Variants in ZMIZ1 observed in about 807,000 individuals in gnomAD.
The protein encoded by ZMIZ1 is zinc finger MIZ domain-containing protein 1.
ZMIZ1 carries 17 observed loss-of-function variants against 113.9 expected under a neutral mutation model. The observed-to-expected ratio is 0.15, with a 90% CI of 0.10 to 0.22. The LOEUF is 0.22. Ranked by LOEUF, ZMIZ1 falls within the 10% of genes least tolerant of loss-of-function variation. ZMIZ1 has a pLI of 1.00. For synonymous variants in ZMIZ1, 607 were observed against 603.1 expected, an observed-to-expected ratio of 1.01 and a Z score of -0.09; for missense variants, 1,059 against 1,477.8, an observed-to-expected ratio of 0.72 and a Z score of 4.65.
At chr10:79,259,370 C>T (rs1035038831) in intron 7 of ZMIZ1, among the ~76,000 whole-genome samples, 7 of 151,998 alleles carry the variant, frequency 4.6e-5, no homozygotes, top group East Asian at 1.9e-4. Flanking sequence ...CTTCCTGGGT[C>T]GCTGCACAGT....
intron 7 of ZMIZ1, among the ~76,000 whole-genome samples, chr10:79,265,463 C>CTTTTTTTTTTTT (rs869066608): frequency 2.3e-5 from 3 of 131,730 alleles, no homozygotes; most frequent in African/African-American, 6.3e-5. Context: ...CCTTTTTTTT[C>CTTTTTTTTTTTT]TTTTCTTTTT....
At chr10:79,158,921 C>T (rs142507277) in intron 3 of ZMIZ1, among the ~76,000 whole-genome samples, 5 of 152,352 alleles carry the variant, frequency 3.3e-5, no homozygotes, top group East Asian at 1.9e-4. Context: ...TCCCCTCCCC[C>T]GGGAGCTTCA....
chr10:79,266,882 A>G (rs576092140), intron 7 of ZMIZ1, among the ~76,000 whole-genome samples: 13 of 152,342 alleles, frequency 8.5e-5, no homozygotes, highest in Admixed American at 3.9e-4. Flanking sequence ...CTCAGGGCTC[A>G]TGAGTCAGAC....
At position 79,302,146 on chromosome 10, in the gene ZMIZ1, G is replaced by A. The variant is rs12767060; in HGVS notation, c.2059G>A (p.Val687Ile). 27 of 1,613,842 alleles carry A rather than the reference G, an allele frequency of 1.7e-5. No homozygotes were observed. The African/African-American group carries it at 2.0e-4, about 12-fold the overall frequency. Residue 687 changes from valine (V) to isoleucine (I), a missense_variant, in exon 18 of 25, where the codon GTC becomes ATC. This residue lies in a region of ZMIZ1 where 217 missense variants were observed against 426.9 expected (regional missense o/e 0.51). Transcript: ENST00000334512. ...GCTGCAGCTGGTACACCGGCCCTCC[G>A]TCCGCTCTGTGCTGCAAGGACTCCT... The part of the protein sequence containing the change: ...FVLQLVHRPS[V>I]RSVLQGLLKK...
At chr10:79,159,475 G>A (rs58124651) in intron 3 of ZMIZ1, among the ~76,000 whole-genome samples, 6,954 of 152,288 alleles carry the variant, frequency 0.046, 471 homozygotes, top group African/African-American at 0.15. Flanking sequence ...CAGGCTCTCC[G>A]GCTGGTTGCC....
rs185194238 is a variant in ZMIZ1 at position 79,187,843 on chromosome 10, G to A, written c.-49-13741G>A. 3.7e-4 allele frequency among the ~76,000 whole-genome samples: 57 copies of A among 152,300 alleles called. No individual in the cohort carries two copies. In the South Asian group the frequency reaches 3.9e-3, roughly 11 times the overall value. ...GCCTCCCTCTGGGCAGCCGGAACCCGCGCAGTCTGCCACTCAGCTTCCCTG... is the reference window on the plus strand; with the variant it reads ...GCCTCCCTCTGGGCAGCCGGAACCCACGCAGTCTGCCACTCAGCTTCCCTG... On this transcript the variant is annotated intron_variant, in intron 4 of 24. Coordinates refer to ENST00000334512, the MANE Select transcript of ZMIZ1 (RefSeq NM_020338.4).
intron 3 of ZMIZ1, among the ~76,000 whole-genome samples, chr10:79,155,888 TG>T (rs1488433855): frequency 6.6e-6 from 1 of 152,252 alleles, no homozygotes; most frequent in African/African-American, 2.4e-5. Flanking sequence ...ACGGTGGCTC[TG>T]CCCCCCATTT....
Position 79,313,435 on chromosome 10 carries a change from T to A in ZMIZ1, c.*686T>A, listed in dbSNP as rs1263810314. 2 of 155,940 alleles carry A rather than the reference T, an allele frequency of 1.3e-5. No individual in the cohort carries two copies. The highest frequency in any genetic ancestry group is 2.8e-5 in the Non-Finnish European group (2 of 71,060). The allele number at this position is 155,940 out of a possible 1,614,324, so 9.7% of individuals were successfully genotyped here. A position where few individuals can be genotyped will look rare whatever the true frequency, so the allele number is the denominator to read the frequency against. ...ACAAGAGTCTGTGTTTGAGAGGGGG[T>A]CTGCCATTCCTGCTTGGGGACTGGT... On this transcript the variant is annotated 3_prime_UTR_variant, in exon 25 of 25. Transcript: ENST00000334512.
intron 4 of ZMIZ1, among the ~76,000 whole-genome samples, chr10:79,201,177 A>G (rs1422059538): frequency 6.6e-6 from 1 of 152,178 alleles, no homozygotes; most frequent in African/African-American, 2.4e-5. Flanking sequence ...GTGTGGTGGT[A>G]GACACCTGTA....
At chr10:79,245,469 G>A (rs1310529261) in intron 7 of ZMIZ1, among the ~76,000 whole-genome samples, 1 of 152,216 alleles carries the variant, frequency 6.6e-6, no homozygotes, top group African/African-American at 2.4e-5. Flanking sequence ...GCTGAATGAT[G>A]ATGGCACGAG....
intron 4 of ZMIZ1, among the ~76,000 whole-genome samples, chr10:79,165,043 CA>C (rs796489424): frequency 3.9e-4 from 59 of 151,746 alleles, no homozygotes; most frequent in African/African-American, 1.4e-3. Context: ...CTCCTTATAT[CA>C]GAGGGTGTCT....
At chr10:79,175,424 C>T (rs933323367) in intron 4 of ZMIZ1, among the ~76,000 whole-genome samples, 3 of 152,158 alleles carry the variant, frequency 2.0e-5, no homozygotes, top group Admixed American at 6.5e-5. Flanking sequence ...TGTCTGGCAT[C>T]GTGTCTCTCA....
chr10:79,099,239 C>G (rs1032133712), intron 1 of ZMIZ1, among the ~76,000 whole-genome samples: 2 of 152,238 alleles, frequency 1.3e-5, no homozygotes, highest in South Asian at 4.1e-4. Context: ...GGGGACCCAC[C>G]GTGAGGCCCC....
chr10:79,091,588 C>T (rs947120609), intron 1 of ZMIZ1, among the ~76,000 whole-genome samples: 2 of 152,006 alleles, frequency 1.3e-5, no homozygotes, highest in Admixed American at 6.5e-5. Flanking sequence ...GAGGGGCCTC[C>T]TGGAGGAGGG....
intron 3 of ZMIZ1, among the ~76,000 whole-genome samples, chr10:79,150,478 C>A (rs192160352): frequency 4.9e-4 from 74 of 152,328 alleles, no homozygotes; most frequent in African/African-American, 1.7e-3. Context: ...AAGCCTGTGA[C>A]CCTTGGGGAC....
intron 1 of ZMIZ1, among the ~76,000 whole-genome samples, chr10:79,096,910 C>T (rs1451861945): frequency 6.6e-6 from 1 of 152,076 alleles, no homozygotes; most frequent in Non-Finnish European, 1.5e-5. Flanking sequence ...AGTGTGGGGG[C>T]CTTGAGACAG....
intron 6 of ZMIZ1, among the ~76,000 whole-genome samples, chr10:79,212,391 A>G (rs2132698237): frequency 6.6e-6 from 1 of 151,858 alleles, no homozygotes; most frequent in Admixed American, 6.6e-5. Context: ...GGATGGTCTC[A>G]AACTCCTGGG....
chr10:79,165,159 C>G (rs1051596571), intron 4 of ZMIZ1, among the ~76,000 whole-genome samples: 22 of 152,174 alleles, frequency 1.4e-4, no homozygotes, highest in African/African-American at 5.1e-4. Flanking sequence ...TCTGGTGTAA[C>G]CTCAGCAGCT....
rs113971205 is a variant in ZMIZ1 at position 79,165,860 on chromosome 10, A to AG, written c.-50+3733dup. ...TCCCCCTAGGCGGGCCTGGTCTGCTAGGGGGGTCCTCTGTGAGCAGCCAAG... is the reference window on the plus strand; with the variant it reads ...TCCCCCTAGGCGGGCCTGGTCTGCTAGGGGGGGTCCTCTGTGAGCAGCCAAG... On this transcript the variant is annotated intron_variant, in intron 4 of 24. Coordinates refer to ENST00000334512, the MANE Select transcript of ZMIZ1 (RefSeq NM_020338.4). Among the ~76,000 whole-genome samples the AG allele has an allele frequency of 6.1e-5, 9 of 148,384 alleles. 1 individual carries two copies. Among genetic ancestry groups the AG allele is most frequent in the African/African-American group, 2.3e-4 (9 of 39,668 alleles).
Sources: allele counts gnomAD v4.1 joint callset (sites outside exome capture counted in the v4.1 genomes callset), GRCh38; gene constraint gnomAD v4.1.1; regional missense constraint gnomAD v4.1.1; transcripts MANE v1.5; gene names NCBI Gene and HGNC (gene_info 2026-07-23, HGNC 2026-07-21).